The following SLIT1 variants were observed in gnomAD, a reference collection of about 807,000 sequenced individuals.
SLIT1 encodes slit homolog 1 protein.
A neutral mutation model predicts 186.1 loss-of-function variants in SLIT1; 66 were observed. The ratio of observed to expected loss-of-function variants is 0.35; its 90% CI spans 0.29 to 0.44. The LOEUF is 0.44. Ranked by LOEUF, SLIT1 falls within the 20% of genes least tolerant of loss-of-function variation. The pLI is 1.00. For synonymous variants in SLIT1, 761 were observed against 833.8 expected, an observed-to-expected ratio of 0.91 and a Z score of 1.50; for missense variants, 1,638 against 2,037.4, an observed-to-expected ratio of 0.80 and a Z score of 3.77.
chr10:97,119,913 GTATATATATATATATA>G (rs55656011), intron 4 of SLIT1, among the ~76,000 whole-genome samples: 1,872 of 56,534 alleles, frequency 0.033, 108 homozygotes, highest in African/African-American at 0.083. Flanking sequence ...TTCCAAAGGG[GTATATATATATATATA>G]TATATATATA....
intron 4 of SLIT1, among the ~76,000 whole-genome samples, chr10:97,085,103 T>G (rs1410274933): frequency 6.6e-6 from 1 of 151,802 alleles, no homozygotes; most frequent in African/African-American, 2.4e-5. Flanking sequence ...TTTTGTATTT[T>G]TAGTAGAGAC....
At chr10:97,165,817 C>T (rs1400327032) in intron 1 of SLIT1, among the ~76,000 whole-genome samples, 1 of 152,114 alleles carries the variant, frequency 6.6e-6, no homozygotes, top group Non-Finnish European at 1.5e-5. Flanking sequence ...CTCCTCTCAC[C>T]CCATGCTGGG....
chr10:97,095,708 G>A (rs17112401), intron 4 of SLIT1, among the ~76,000 whole-genome samples: 25,158 of 152,082 alleles, frequency 0.17, 2,315 homozygotes, highest in African/African-American at 0.25. Context: ...GCTCTATGAC[G>A]GACATCATGT....
chr10:97,114,287 G>A (rs968053000), intron 4 of SLIT1, among the ~76,000 whole-genome samples: 3 of 152,282 alleles, frequency 2.0e-5, no homozygotes, highest in Non-Finnish European at 2.9e-5. Flanking sequence ...GAGGCCAGCC[G>A]GTGGAAAGGG....
intron 1 of SLIT1, among the ~76,000 whole-genome samples, chr10:97,172,048 C>CT (rs1156286220): frequency 1.7e-3 from 247 of 145,708 alleles, no homozygotes; most frequent in East Asian, 2.6e-3. Context: ...ATTTATATTG[C>CT]TTTTTTTTTT....
chr10:97,148,690 C>T (rs1327973121), intron 4 of SLIT1, among the ~76,000 whole-genome samples: 1 of 152,148 alleles, frequency 6.6e-6, no homozygotes, highest in Non-Finnish European at 1.5e-5. Context: ...CGCTATTTTT[C>T]AAATGTTCAC....
At position 97,043,486 on chromosome 10, in the gene SLIT1, G is replaced by A. The variant is rs1194704313; in HGVS notation, c.1881C>T (p.Cys627=). 3.1e-6 allele frequency: 5 copies of A among 1,613,862 alleles called. 1 individual carries two copies. Among genetic ancestry groups the A allele is most frequent in the Admixed American group, 3.3e-5 (2 of 60,034 alleles). ...TLMLRNNRIS[C]IHNDSFTGLR... The stretch of plus-strand genomic sequence containing the variant: ...GGCCCGTGAAGCTGTCGTTGTGGAT[G>A]CAGCTGATGCGGTTGTTCCGCAGCA... Residue 627 remains cysteine (C), a synonymous_variant, in exon 19 of 37, where the codon TGC becomes TGT. Transcript: ENST00000266058. The surrounding 1 kb of genome is among the most constrained non-coding windows in gnomAD (Gnocchi z 7.0).
Position 97,012,469 on chromosome 10 carries a change from C to T in SLIT1, c.3203+1272G>A, listed in dbSNP as rs77753967. Among the ~76,000 whole-genome samples the T allele has an allele frequency of 7.4e-3, 1,129 of 152,340 alleles. 9 individuals are homozygous for T. The highest frequency in any genetic ancestry group is 0.01 in the Middle Eastern group (3 of 294). On this transcript the variant is annotated intron_variant, in intron 30 of 36. Coordinates refer to ENST00000266058, the MANE Select transcript of SLIT1 (RefSeq NM_003061.3). ...GGCAGTTGAGAGAACACGCACTCAA[C>T]GCTCCACTGTGTGCCACAACCCCGG...
chr10:97,064,658 G>T (rs987747780), intron 6 of SLIT1, 147 bp downstream of exon 6: 2 of 640,382 alleles, frequency 3.1e-6, no homozygotes, highest in Admixed American at 5.2e-5. Flanking sequence ...CCCCATGAGT[G>T]CCTGTCCTCC....
intron 27 of SLIT1, 116 bp from the exon 28 acceptor site, chr10:97,018,799 C>A: frequency 2.9e-6 from 2 of 678,482 alleles, no homozygotes; most frequent in Middle Eastern, 2.5e-4. Context: ...TACTTGTTTT[C>A]ATTCATTCAT....
chr10:97,015,892 T>C (rs1177522585), intron 28 of SLIT1, among the ~76,000 whole-genome samples: 1 of 152,066 alleles, frequency 6.6e-6, no homozygotes, highest in Non-Finnish European at 1.5e-5. Context: ...CATAAAAATA[T>C]ATTTGGTTAG....
In SLIT1 at chr10:97,037,782, A is replaced by T; in HGVS notation, c.2298-16T>A. On this transcript the variant is annotated splice_polypyrimidine_tract_variant and intron_variant, in intron 21 of 36. Transcript: ENST00000266058. The stretch of plus-strand genomic sequence containing the variant: ...GTCCAAATAGCTGCAGAGAGAACAC[A>T]GCGGCGTTAGTGCCCATCTCCACCT... 1 of 1,594,036 alleles carries T rather than the reference A, an allele frequency of 6.3e-7. No homozygotes were observed. Among genetic ancestry groups the T allele is most frequent in the Non-Finnish European group, 8.6e-7 (1 of 1,163,658 alleles).
intron 14 of SLIT1, among the ~76,000 whole-genome samples, chr10:97,048,249 C>T (rs1010605737): frequency 6.6e-6 from 1 of 152,230 alleles, no homozygotes. Flanking sequence ...CTCGCAATGG[C>T]ACGAGGTGGG....
intron 4 of SLIT1, among the ~76,000 whole-genome samples, chr10:97,071,269 G>A (rs1406795711): frequency 6.6e-6 from 1 of 152,166 alleles, no homozygotes; most frequent in Non-Finnish European, 1.5e-5. Flanking sequence ...GGAGATGAGA[G>A]CATGTGCATT....
chr10:97,016,043 A>T (rs1848452489), intron 28 of SLIT1, among the ~76,000 whole-genome samples: 1 of 152,210 alleles, frequency 6.6e-6, no homozygotes, highest in African/African-American at 2.4e-5. Context: ...GTGGGGTGGC[A>T]CATGCCTGTA....
chr10:97,106,641 G>GTTT (rs202142134), intron 4 of SLIT1, among the ~76,000 whole-genome samples: 33 of 147,132 alleles, frequency 2.2e-4, no homozygotes, highest in Admixed American at 3.4e-4. Context: ...AATTAAAGTT[G>GTTT]TTTTTTTTTT....
Position 97,004,006 on chromosome 10 carries a change from A to G in SLIT1, c.3865+62T>C. The G allele has an allele frequency of 1.4e-6, 2 of 1,445,944 alleles. No individual in the cohort carries two copies. Among genetic ancestry groups the G allele is most frequent in the Non-Finnish European group, 1.9e-6 (2 of 1,051,960 alleles). The allele number at this position is 1,445,944 out of a possible 1,614,324, so 89.6% of individuals were successfully genotyped here. ...TCCCACAGTGCAGTCCCTAGGCACC[A>G]GCTCTCCTGGCTGGCCTCAGGCCAG... On this transcript the variant is annotated intron_variant, in intron 34 of 36. Transcript: ENST00000266058. The surrounding 1 kb of genome is among the most constrained non-coding windows in gnomAD (Gnocchi z 5.1).
intron 4 of SLIT1, among the ~76,000 whole-genome samples, chr10:97,071,369 C>T (rs1848999771): frequency 6.6e-6 from 1 of 152,190 alleles, no homozygotes. Flanking sequence ...CTCATCTCAG[C>T]CCAGCCGACC....
chr10:97,117,993 T>C (rs574401927), intron 4 of SLIT1, among the ~76,000 whole-genome samples: 6 of 152,338 alleles, frequency 3.9e-5, no homozygotes, highest in African/African-American at 1.4e-4. Flanking sequence ...CTCTGAAATC[T>C]ACATTTTTTA....
Sources: allele counts gnomAD v4.1 joint callset (sites outside exome capture counted in the v4.1 genomes callset), GRCh38; gene constraint gnomAD v4.1.1; non-coding constraint Gnocchi (gnomAD v3.1); transcripts MANE v1.5; gene names NCBI Gene and HGNC (gene_info 2026-07-23, HGNC 2026-07-21).